HSPG2: variants seen among roughly 807,000 people sequenced by gnomAD.
The protein encoded by HSPG2 is heparan sulfate proteoglycan 2.
HSPG2 carries 278 observed loss-of-function variants against 526.6 expected under a neutral mutation model. The observed-to-expected ratio is 0.53, with a 90% CI of 0.48 to 0.58. The LOEUF (loss-of-function observed/expected upper bound fraction) is 0.58, where lower values mean the gene tolerates loss of function less well. HSPG2 is among the 20% of genes least tolerant of loss of function. The pLI is 0.00. For missense variants in HSPG2, 5,354 were observed against 6,099.5 expected, an observed-to-expected ratio of 0.88 and a Z score of 4.07; for synonymous variants, 2,465 against 2,555.4, an observed-to-expected ratio of 0.96 and a Z score of 1.07.
chr1:21,854,742 C>CCGG lies in HSPG2; in HGVS notation c.6154_6156dup (p.Pro2052dup), dbSNP rs145196374. The CCGG allele has an allele frequency of 1.2e-6, 2 of 1,613,744 alleles. No homozygotes were observed. The highest frequency in any genetic ancestry group is 4.5e-5 in the East Asian group (2 of 44,874). On this transcript the variant is annotated inframe_insertion, in exon 49 of 97. Coordinates refer to ENST00000374695, the MANE Select transcript of HSPG2 (RefSeq NM_005529.7). ...GAAGGCGATGAGGACTCAATCTTGA[C>CCGG]CGGCGGTGGGCTGGCATCTGAGGCT...
chr1:21,914,120 G>A (rs1360496422), intron 1 of HSPG2, among the ~76,000 whole-genome samples: 1 of 152,174 alleles, frequency 6.6e-6, no homozygotes, highest in Non-Finnish European at 1.5e-5. Context: ...ATAGGAGCAG[G>A]TACTATGAGC....
In HSPG2 at chr1:21,876,454, C is replaced by T. The variant is rs371432985; in HGVS notation, c.2827-49G>A. 1.1e-4 allele frequency: 179 copies of T among 1,612,198 alleles called. 1 individual carries two copies. In the East Asian group the frequency reaches 2.3e-3, roughly 21 times the overall value. ...GATGGGGGCCGTGGCCTGGGACTGG[C>T]GCTTGGTCCATCCGGCCCAGGGCTT... On this transcript the variant is annotated intron_variant, in intron 22 of 96. Transcript: ENST00000374695.
rs1344120190 is a variant in HSPG2, at chr1:21,880,724, G to T, written c.1930C>A (p.Leu644Ile). ...GTGGGTGTGTGGCCTCGGGAGAGGA[G>T]GCGGTACCCGGCACCCATGAGGACC... ...DVVLMGAGYR[L>I]LSRGHTPTQP... The change falls in exon 15 of 97, where the codon CTC (leucine) becomes ATC (isoleucine). Residue 644 changes from leucine to isoleucine, a missense_variant. Transcript: ENST00000374695. 6.2e-7 allele frequency: 1 copy of T among 1,601,218 alleles called. No homozygotes were observed. The highest frequency in any genetic ancestry group is 2.3e-5 in the East Asian group (1 of 44,296).
In HSPG2 at chr1:21,833,597, T is replaced by C; in HGVS notation, c.10848A>G (p.Pro3616=). 6.2e-7 allele frequency: 1 copy of C among 1,614,076 alleles called. No individual in the cohort carries two copies. The highest frequency in any genetic ancestry group is 8.5e-7 in the Non-Finnish European group (1 of 1,179,988). ...TGTTGTTCTCCAGGCGGCTGTCAGG[T>C]GGCAGGCTGCCATCCAGCTGCAAAT... The part of the protein sequence containing the change: ...ISWSKLDGSL[P]PDSRLENNML... The change falls in exon 79 of 97, where the codon CCA becomes CCG. Residue 3616 remains proline (P), a synonymous_variant. Coordinates refer to ENST00000374695, the MANE Select transcript of HSPG2 (RefSeq NM_005529.7).
chr1:21,874,043 C>G, intron 28 of HSPG2, 32 bp from the exon 29 acceptor site: 2 of 1,551,172 alleles, frequency 1.3e-6, no homozygotes, highest in Non-Finnish European at 1.8e-6. Flanking sequence ...TAGTCAGGAA[C>G]GCAGTGGCTC....
In HSPG2 at chr1:21,851,633, G is replaced by A. The variant is rs749180499; in HGVS notation, c.7071C>T (p.Thr2357=). 6.2e-7 allele frequency: 1 copy of A among 1,613,992 alleles called. No homozygotes were observed. The highest frequency in any genetic ancestry group is 8.5e-7 in the Non-Finnish European group (1 of 1,180,030). Residue 2357 remains threonine, a synonymous_variant, in exon 55 of 97, where the codon ACC becomes ACT. Coordinates refer to ENST00000374695, the MANE Select transcript of HSPG2 (RefSeq NM_005529.7). The part of the protein sequence containing the change: ...PSSSQVAEGQ[T]LDLNCVVPGQ... The stretch of plus-strand genomic sequence containing the variant: ...CGGGCACCACGCAGTTCAGATCCAG[G>A]GTCTGCCCTTCCGCCACTTGCGAGG...
At chr1:21,860,347 T>G in intron 39 of HSPG2, 112 bp from the exon 40 acceptor site, 1 of 975,822 alleles carries the variant, frequency 1.0e-6, no homozygotes, top group African/African-American at 1.6e-5. Context: ...GTGAGGAGGC[T>G]CGGAGCTCTG....
chr1:21,937,148 C>A lies in HSPG2; in HGVS notation c.63+7G>T. On this transcript the variant is annotated splice_region_variant and intron_variant, in intron 1 of 96. Transcript: ENST00000374695. ...CCGCCCCCCGCCCCTCTGCCCCGCA[C>A]ACTCACCGCCAGCAGCCGCCCGTGC... 3 of 857,528 alleles carry A rather than the reference C, an allele frequency of 3.5e-6. No individual in the cohort carries two copies. Among genetic ancestry groups the A allele is most frequent in the Admixed American group, 3.7e-5 (1 of 26,886 alleles). 53.1% of individuals were successfully genotyped at this position (857,528 alleles called of 1,614,324 possible). A position where few individuals can be genotyped will look rare whatever the true frequency, so the allele number is the denominator to read the frequency against.
At chr1:21,835,371 C>G in intron 76 of HSPG2, 169 bp downstream of exon 76, 1 of 656,942 alleles carries the variant, frequency 1.5e-6, no homozygotes, top group East Asian at 2.7e-5. Context: ...AAATATGTAT[C>G]AAGCCCCTTT....
Position 21,875,953 on chromosome 1 carries a change from C to A in HSPG2, c.3093G>T (p.Val1031=). 1.9e-6 allele frequency: 3 copies of A among 1,614,230 alleles called. No individual in the cohort carries two copies. The South Asian group carries it at 3.3e-5, about 18-fold the overall frequency. The change falls in exon 24 of 97, where the codon GTG becomes GTT. Residue 1031 remains valine (V), a synonymous_variant. Coordinates refer to ENST00000374695, the MANE Select transcript of HSPG2 (RefSeq NM_005529.7). The stretch of plus-strand genomic sequence containing the variant: ...CTAGGATGATGTTGTTACCTTGCAG[C>A]ACCACCAACGGCTGCCCGTGCAGGG... ...STPLHGQPLV[V]LQGNNIILEH...
At position 21,893,306 on chromosome 1, in the gene HSPG2, C is replaced by T. The variant is rs1210948302; in HGVS notation, c.245-2612G>A. ...TGCTGCACCCATCTCTGCCCGTCAACACCCCATGGGGAAGAACGCCCGCCA... is the reference window on the plus strand; with the variant it reads ...TGCTGCACCCATCTCTGCCCGTCAATACCCCATGGGGAAGAACGCCCGCCA... On this transcript the variant is annotated intron_variant, in intron 3 of 96. Coordinates refer to ENST00000374695, the MANE Select transcript of HSPG2 (RefSeq NM_005529.7). The surrounding 1 kb of genome is among the most constrained non-coding windows in gnomAD (Gnocchi z 4.3). Among the ~76,000 whole-genome samples, 1 of 152,182 alleles carries T rather than the reference C, an allele frequency of 6.6e-6. No homozygotes were observed. The highest frequency in any genetic ancestry group is 2.4e-5 in the African/African-American group (1 of 41,444).
chr1:21,836,738 C>A (rs1435798514), intron 75 of HSPG2, 64 bp downstream of exon 75: 2 of 1,426,596 alleles, frequency 1.4e-6, no homozygotes, highest in African/African-American at 2.8e-5. Context: ...GGTGCTTTAA[C>A]TCTGCTCACT....
rs1431886063 is a variant in HSPG2 at position 21,844,383 on chromosome 1, A to G, written c.8465-84T>C. On this transcript the variant is annotated intron_variant, in intron 64 of 96. Transcript: ENST00000374695. ...CCCCTGGGGCCCAGATACTAGGACC[A>G]GAGGCCATTTGGGACATGGCTTCTT... 10 of 1,451,540 alleles carry G rather than the reference A, an allele frequency of 6.9e-6. No individual in the cohort carries two copies. The African/African-American group carries it at 1.3e-4, about 18-fold the overall frequency. The allele number at this position is 1,451,540 out of a possible 1,614,324, so 89.9% of individuals were successfully genotyped here. A position where few individuals can be genotyped will look rare whatever the true frequency, so the allele number is the denominator to read the frequency against.
intron 57 of HSPG2, 126 bp downstream of exon 57, chr1:21,849,915 T>C (rs771663100): frequency 5.1e-6 from 6 of 1,175,708 alleles, no homozygotes; most frequent in Non-Finnish European, 7.6e-6. Context: ...CCTGACCTCG[T>C]GATCTTCCTG....
At position 21,876,511 on chromosome 1, in the gene HSPG2, C is replaced by G. The variant is rs1641080779; in HGVS notation, c.2826+1G>C. ...CCTGCCCGCCCACCTTGCAGAGGTA[C>G]CTGGGCACGGCTCCATGAAGAGCTG... On this transcript the variant is annotated splice_donor_variant, in intron 22 of 96. Transcript: ENST00000374695. LOFTEE classifies it high-confidence loss of function. 6.2e-7 allele frequency: 1 copy of G among 1,614,042 alleles called. No individual in the cohort carries two copies.
intron 1 of HSPG2, 40 bp from the exon 2 acceptor site, chr1:21,896,350 C>T (rs762301879): frequency 4.4e-6 from 7 of 1,606,894 alleles, no homozygotes; most frequent in East Asian, 4.5e-5. Context: ...CTCTCTCCAG[C>T]TCCCACTGAG....
chr1:21,832,516 A>G lies in HSPG2; in HGVS notation c.11186T>C (p.Val3729Ala), dbSNP rs2098008981. 7 of 1,614,078 alleles carry G rather than the reference A, an allele frequency of 4.3e-6. No homozygotes were observed. In the East Asian group the frequency reaches 1.3e-4, roughly 31 times the overall value. Reference protein sequence around the residue: ...RQPDFISFGLVGGRPEFRFDA... With the variant: ...RQPDFISFGLAGGRPEFRFDA... ...TCACCGGAACTCGGGCCTTCCCCCC[A>G]CGAGGCCGAAGGAGATGAAGTCGGG... The change falls in exon 81 of 97, where the codon GTG becomes GCG. Residue 3729 changes from valine to alanine, a missense_variant. By Grantham distance (64) the Val-to-Ala change is moderately conservative. Coordinates refer to ENST00000374695, the MANE Select transcript of HSPG2 (RefSeq NM_005529.7).
Position 21,854,285 on chromosome 1 carries a change from A to G in HSPG2, c.6347T>C (p.Val2116Ala). ...GCCCGATCCATTCTCCACACGGCAC[A>G]CATATTCTCCAGAATCAGCTGGTGA... The part of the protein sequence containing the change: ...QVSPADSGEY[V>A]CRVENGSGPK... The change falls in exon 50 of 97, where the codon GTG becomes GCG. Residue 2116 changes from valine (V) to alanine (A), a missense_variant. By Grantham distance (64) the Val-to-Ala change is moderately conservative (BLOSUM62 0). Coordinates refer to ENST00000374695, the MANE Select transcript of HSPG2 (RefSeq NM_005529.7). 6.3e-7 allele frequency: 1 copy of G among 1,576,896 alleles called. No individual in the cohort carries two copies. The highest frequency in any genetic ancestry group is 8.6e-7 in the Non-Finnish European group (1 of 1,160,862).
chr1:21,823,513 C>T (rs778537434), intron 96 of HSPG2, 25 bp from the exon 97 acceptor site: 1 of 1,607,730 alleles, frequency 6.2e-7, no homozygotes, highest in Non-Finnish European at 8.5e-7. Context: ...GAGGACAGGG[C>T]CTGTGGGCTC....
Sources: allele counts gnomAD v4.1 joint callset (sites outside exome capture counted in the v4.1 genomes callset), GRCh38; gene constraint gnomAD v4.1.1; non-coding constraint Gnocchi (gnomAD v3.1); transcripts MANE v1.5; gene names NCBI Gene and HGNC (gene_info 2026-07-23, HGNC 2026-07-21).